Variants in DMXL2 observed in about 807,000 individuals in gnomAD.
DMXL2 encodes dmX-like protein 2.
A neutral mutation model predicts 331.1 loss-of-function variants in DMXL2; 103 were observed. The observed-to-expected ratio is 0.31, with a 90% CI of 0.27 to 0.37. DMXL2 has a LOEUF of 0.37. Ranked by LOEUF, DMXL2 falls within the 10% of genes least tolerant of loss-of-function variation. DMXL2 has a pLI of 1.00. For synonymous variants in DMXL2, 1,281 were observed against 1,252.1 expected, an observed-to-expected ratio of 1.02 and a Z score of -0.49; for missense variants, 3,171 against 3,642.9, an observed-to-expected ratio of 0.87 and a Z score of 3.33.
chr15:51,520,322 T>G (rs2047283002), intron 13 of DMXL2, among the ~76,000 whole-genome samples: 1 of 152,254 alleles, frequency 6.6e-6, no homozygotes, highest in Non-Finnish European at 1.5e-5. Flanking sequence ...AAAGCCATCT[T>G]AACTGACAGC....
At chr15:51,538,841 G>A (rs2048426762) in intron 9 of DMXL2, among the ~76,000 whole-genome samples, 1 of 152,182 alleles carries the variant, frequency 6.6e-6, no homozygotes, top group Non-Finnish European at 1.5e-5. Context: ...ATGATTATGT[G>A]AGAGAATTTT....
At chr15:51,622,371 C>A (rs1398088949) in intron 1 of DMXL2, 88 bp downstream of exon 1, 2 of 1,525,182 alleles carry the variant, frequency 1.3e-6, no homozygotes, top group Non-Finnish European at 1.8e-6. Flanking sequence ...TCACAGCCTC[C>A]TGAGGAGGCG....
chr15:51,465,559 A>G lies in DMXL2; in HGVS notation c.7606+7T>C. On this transcript the variant is annotated splice_region_variant and intron_variant, in intron 31 of 43. Coordinates refer to ENST00000560891, the MANE Select transcript of DMXL2 (RefSeq NM_001378457.1). Reference sequence around the variant, plus strand: ...TAATAACATTAATTTTTAAATTCCAAACTCACCAGAGAATTCCAGTCCAGC... The same window carrying G: ...TAATAACATTAATTTTTAAATTCCAGACTCACCAGAGAATTCCAGTCCAGC... The G allele has an allele frequency of 6.3e-7, 1 of 1,579,334 alleles. No homozygotes were observed. The highest frequency in any genetic ancestry group is 8.6e-7 in the Non-Finnish European group (1 of 1,158,490).
rs1566986183 is a variant in DMXL2 at position 51,464,729 on chromosome 15, C to T, written c.7754G>A (p.Gly2585Glu). ...TYPTDLSVGAGPAILRNKAML... is the reference protein window; with the variant it reads ...TYPTDLSVGAEPAILRNKAML... The stretch of plus-strand genomic sequence containing the variant: ...TGCTTTATTTCGAAGAATAGCTGGT[C>T]CAGCTCCCACTGAAAGGTCAGTTGG... Residue 2585 changes from glycine (G) to glutamate (E), a missense_variant, in exon 32 of 44, where the codon GGA (glycine) becomes GAA (glutamate). Gly to Glu is a moderately conservative substitution (Grantham distance 98). This residue lies in a region of DMXL2 where 766 missense variants were observed against 940.5 expected (regional missense o/e 0.81). Coordinates refer to ENST00000560891, the MANE Select transcript of DMXL2 (RefSeq NM_001378457.1). 6.2e-7 allele frequency: 1 copy of T among 1,614,032 alleles called. No homozygotes were observed. The highest frequency in any genetic ancestry group is 2.2e-5 in the East Asian group (1 of 44,862).
chr15:51,484,459 G>A (rs181815892), intron 23 of DMXL2, among the ~76,000 whole-genome samples: 1 of 152,314 alleles, frequency 6.6e-6, no homozygotes, highest in Non-Finnish European at 1.5e-5. Context: ...TGCCACTAAT[G>A]TGGATTACAG....
Position 51,547,316 on chromosome 15 carries a change from G to T in DMXL2, c.660C>A (p.Ser220=). ...AGTAAACAAAAGAAAATTGAGTAGAGGACTGTCTCCTTTTTACTTCATGAT... is the reference window on the plus strand; with the variant it reads ...AGTAAACAAAAGAAAATTGAGTAGATGACTGTCTCCTTTTTACTTCATGAT... ...QDHHEVKRRQ[S]STQFSFVYLA... The change falls in exon 7 of 44, where the codon TCC becomes TCA. Residue 220 remains serine (S), a synonymous_variant. Coordinates refer to ENST00000560891, the MANE Select transcript of DMXL2 (RefSeq NM_001378457.1). 1 of 1,612,964 alleles carries T rather than the reference G, an allele frequency of 6.2e-7. No homozygotes were observed. Among genetic ancestry groups the T allele is most frequent in the South Asian group, 1.1e-5 (1 of 91,022 alleles).
In DMXL2 at chr15:51,514,347, A is replaced by C; in HGVS notation, c.2644+95T>G. ...ACTGGTGAATCTGTCAAAAATTATGAGAGTGGTAACTTTTGAAGATCCATA... is the reference window on the plus strand; with the variant it reads ...ACTGGTGAATCTGTCAAAAATTATGCGAGTGGTAACTTTTGAAGATCCATA... On this transcript the variant is annotated intron_variant, in intron 15 of 43. Transcript: ENST00000560891. The C allele has an allele frequency of 5.7e-6, 4 of 700,950 alleles. No homozygotes were observed. The South Asian group carries it at 8.6e-5, about 15-fold the overall frequency. The allele number at this position is 700,950 out of a possible 1,614,324, so 43.4% of individuals were successfully genotyped here.
intron 6 of DMXL2, among the ~76,000 whole-genome samples, chr15:51,555,905 C>G (rs1444944952): frequency 5.3e-5 from 8 of 152,160 alleles, no homozygotes; most frequent in Non-Finnish European, 8.8e-5. Flanking sequence ...CTATATCAAT[C>G]TTACATAAAC....
chr15:51,621,091 A>G (rs1595791662), intron 1 of DMXL2, among the ~76,000 whole-genome samples: 2 of 115,452 alleles, frequency 1.7e-5, no homozygotes, highest in East Asian at 4.4e-4. Flanking sequence ...TCTTCTCTCT[A>G]TCCCCAAAAA....
Position 51,466,287 on chromosome 15 carries a change from CACT to C in DMXL2, c.7414_7416del (p.Ser2472del). The C allele has an allele frequency of 1.4e-6, 2 of 1,430,644 alleles. No homozygotes were observed. Among genetic ancestry groups the C allele is most frequent in the Non-Finnish European group, 1.8e-6 (2 of 1,083,786 alleles). 88.6% of individuals were successfully genotyped at this position (1,430,644 alleles called of 1,614,324 possible). ...CTTTCATCAGAATCATATATAACAC[CACT>C]ATCAGACAAAGGAAGAAATGGCTGC... On this transcript the variant is annotated inframe_deletion, in exon 30 of 44. Transcript: ENST00000560891.
chr15:51,578,712 C>T (rs1197296158), intron 1 of DMXL2, among the ~76,000 whole-genome samples: 1 of 152,164 alleles, frequency 6.6e-6, no homozygotes, highest in Non-Finnish European at 1.5e-5. Context: ...TTCAGAGCCT[C>T]AGTATTTATA....
chr15:51,602,113 T>C (rs1212598536), intron 1 of DMXL2, among the ~76,000 whole-genome samples: 1 of 152,134 alleles, frequency 6.6e-6, no homozygotes, highest in African/African-American at 2.4e-5. Context: ...TAAGGTGAAT[T>C]ATAGCAGATA....
Position 51,563,500 on chromosome 15 carries a change from T to C in DMXL2, c.501-53A>G, listed in dbSNP as rs115928815. 2.3e-3 allele frequency: 2,956 copies of C among 1,289,906 alleles called. 41 individuals are homozygous for C. The African/African-American group carries it at 0.037, about 16-fold the overall frequency. The allele number at this position is 1,289,906 out of a possible 1,614,324, so 79.9% of individuals were successfully genotyped here. A position where few individuals can be genotyped will look rare whatever the true frequency, so the allele number is the denominator to read the frequency against. On this transcript the variant is annotated intron_variant, in intron 5 of 43. Coordinates refer to ENST00000560891, the MANE Select transcript of DMXL2 (RefSeq NM_001378457.1). ...CCCTTTTAAAATCTGGTGTACTGTA[T>C]ATAAAAATGGTCAAGATGAGATTTT...
At chr15:51,558,800 C>T (rs557493472) in intron 6 of DMXL2, among the ~76,000 whole-genome samples, 1 of 152,312 alleles carries the variant, frequency 6.6e-6, no homozygotes, top group South Asian at 2.1e-4. Context: ...ATTCCACATA[C>T]AATAGCTAAA....
rs1203576510 is a variant in DMXL2, at chr15:51,464,801, T to C, written c.7682A>G (p.Lys2561Arg). Reference protein sequence around the residue: ...LENWEQILQEKMDQFEGPPPN... With the variant: ...LENWEQILQERMDQFEGPPPN... ...GGGTGGACCTTCAAACTGATCCATT[T>C]TCTCTTGCAAGATCTGTTCCCAGTT... Residue 2561 changes from lysine to arginine, a missense_variant, in exon 32 of 44, where the codon AAA (lysine) becomes AGA (arginine). This residue lies in a region of DMXL2 where 766 missense variants were observed against 940.5 expected (regional missense o/e 0.81). Transcript: ENST00000560891. The C allele has an allele frequency of 6.2e-7, 1 of 1,614,174 alleles. No individual in the cohort carries two copies.
At chr15:51,484,312 C>G (rs1379341504) in intron 23 of DMXL2, among the ~76,000 whole-genome samples, 2 of 152,230 alleles carry the variant, frequency 1.3e-5, no homozygotes, top group Non-Finnish European at 2.9e-5. Context: ...TCCCAGCCAA[C>G]CAGACCCTAA....
At chr15:51,620,809 G>A (rs1167698286) in intron 1 of DMXL2, among the ~76,000 whole-genome samples, 1 of 152,142 alleles carries the variant, frequency 6.6e-6, no homozygotes, top group African/African-American at 2.4e-5. Context: ...CTAAGCATCT[G>A]GTCACAAGTG....
chr15:51,576,316 A>G (rs1340267231), intron 1 of DMXL2, 135 bp from the exon 2 acceptor site: 2 of 624,240 alleles, frequency 3.2e-6, no homozygotes, highest in South Asian at 3.6e-5. Flanking sequence ...AATAGTTAAT[A>G]TAATATCAAT....
chr15:51,536,251 T>C lies in DMXL2; in HGVS notation c.2229A>G (p.Ser743=). The change falls in exon 12 of 44, where the codon TCA becomes TCG. Residue 743 remains serine, a synonymous_variant. Transcript: ENST00000560891. The part of the protein sequence containing the change: ...IGPLSYTGGV[S]ELARINSLHT... Reference sequence around the variant, plus strand: ...GTAAAGAGTTAATTCGAGCCAATTCTGATACTCCTCCAGTGTATGACAAAG... The same window carrying C: ...GTAAAGAGTTAATTCGAGCCAATTCCGATACTCCTCCAGTGTATGACAAAG... 6.2e-7 allele frequency: 1 copy of C among 1,613,932 alleles called. No homozygotes were observed. The highest frequency in any genetic ancestry group is 8.5e-7 in the Non-Finnish European group (1 of 1,179,918).
Sources: allele counts gnomAD v4.1 joint callset (sites outside exome capture counted in the v4.1 genomes callset), GRCh38; gene constraint gnomAD v4.1.1; regional missense constraint gnomAD v4.1.1; transcripts MANE v1.5; gene names NCBI Gene and HGNC (gene_info 2026-07-23, HGNC 2026-07-21).